The following EXD3 variants were observed in gnomAD, a reference collection of about 807,000 sequenced individuals.
EXD3 encodes exonuclease mut-7 homolog.
In EXD3, 92 loss-of-function variants were observed where a neutral mutation model predicts 98.0. The ratio of observed to expected loss-of-function variants is 0.94; its 90% CI spans 0.79 to 1.12. The LOEUF (loss-of-function observed/expected upper bound fraction) is 1.12, where lower values mean the gene tolerates loss of function less well. Among genes scored for constraint, EXD3 ranks in the 50% most tolerant of loss-of-function variants. The probability of loss-of-function intolerance (pLI) is 0.00; values close to 1 mark genes in which losing one functional copy is unlikely to be tolerated. For synonymous variants in EXD3, 569 were observed against 526.0 expected, an observed-to-expected ratio of 1.08 and a Z score of -1.12; for missense variants, 1,222 against 1,191.6, an observed-to-expected ratio of 1.03 and a Z score of -0.38.
At position 137,349,840 on chromosome 9, in the gene EXD3, GTC is replaced by G. The variant is rs1212658883; in HGVS notation, c.1495-311_1495-310del. Among the ~76,000 whole-genome samples, 2 of 152,258 alleles carry G rather than the reference GTC, an allele frequency of 1.3e-5. No individual in the cohort carries two copies. The highest frequency in any genetic ancestry group is 2.1e-4 in the South Asian group (1 of 4,832). ...CCTGAGTCTGTGTGGCCAGCTCTCT[GTC>G]TCTGTTTTATCTTCAGAAGAGGAGC... On this transcript the variant is annotated intron_variant, in intron 14 of 21. Transcript: ENST00000340951. This position sits in a 1 kb window ranked among gnomAD's most constrained non-coding sequence, Gnocchi z 7.4.
intron 17 of EXD3, among the ~76,000 whole-genome samples, chr9:137,345,000 A>T (rs1312658393): frequency 2.0e-5 from 3 of 152,136 alleles, no homozygotes; most frequent in African/African-American, 7.2e-5. Flanking sequence ...TTCTGCTCAC[A>T]TTTCACCATA....
At chr9:137,417,354 C>A (rs957760324) in intron 1 of EXD3, among the ~76,000 whole-genome samples, 1 of 152,220 alleles carries the variant, frequency 6.6e-6, no homozygotes, top group Non-Finnish European at 1.5e-5. Flanking sequence ...AGGAAGCGAG[C>A]GCGCCCGCAG....
chr9:137,407,867 G>A lies in EXD3; in HGVS notation c.-47-12463C>T, dbSNP rs1837804806. 6.6e-6 allele frequency among the ~76,000 whole-genome samples: 1 copy of A among 152,144 alleles called. No homozygotes were observed. The highest frequency in any genetic ancestry group is 2.1e-4 in the South Asian group (1 of 4,824). ...GGGAGGGGCACAGCAAAGGGTCTGG[G>A]GGGAGGCCGGAGGGGGCTTTCCCCT... On this transcript the variant is annotated intron_variant, in intron 1 of 21. Transcript: ENST00000340951. This position sits in a 1 kb window ranked among gnomAD's most constrained non-coding sequence, Gnocchi z 4.4.
intron 1 of EXD3, among the ~76,000 whole-genome samples, chr9:137,418,178 C>T (rs1189312524): frequency 6.6e-6 from 1 of 152,184 alleles, no homozygotes; most frequent in Non-Finnish European, 1.5e-5. Flanking sequence ...GAAACCCCAT[C>T]TCTACTAAAA....
chr9:137,397,220 A>T (rs1402766449), intron 1 of EXD3, among the ~76,000 whole-genome samples: 1 of 152,334 alleles, frequency 6.6e-6, no homozygotes. Flanking sequence ...CCTGCTCCAG[A>T]GCCTCTCGCC....
chr9:137,395,050 C>T lies in EXD3; in HGVS notation c.55+253G>A, dbSNP rs1027514771. Among the ~76,000 whole-genome samples the T allele has an allele frequency of 6.6e-6, 1 of 152,110 alleles. No homozygotes were observed. Among genetic ancestry groups the T allele is most frequent in the African/African-American group, 2.4e-5 (1 of 41,430 alleles). On this transcript the variant is annotated intron_variant, in intron 2 of 21. Transcript: ENST00000340951. This position sits in a 1 kb window ranked among gnomAD's most constrained non-coding sequence, Gnocchi z 6.5. ...CACCTCCCCCGGATCCTGTCACAGG[C>T]CCGGCGCCAGGCCACCCACGCTGGG...
rs577414058 is a variant in EXD3 at position 137,413,555 on chromosome 9, G to A, written c.-48+9559C>T. On this transcript the variant is annotated intron_variant, in intron 1 of 21. Transcript: ENST00000340951. ...GGGTCTCGCTCTGTCACCCAGGGTG[G>A]AGTGCAGTGGTGCGATCCCAGCTCA... Among the ~76,000 whole-genome samples, 386 of 150,098 alleles carry A rather than the reference G, an allele frequency of 2.6e-3. 2 individuals carry two copies. Among genetic ancestry groups the A allele is most frequent in the Non-Finnish European group, 4.1e-3 (280 of 67,622 alleles).
intron 17 of EXD3, among the ~76,000 whole-genome samples, chr9:137,344,895 C>T (rs149008641): frequency 6.6e-6 from 1 of 151,928 alleles, no homozygotes; most frequent in Non-Finnish European, 1.5e-5. Flanking sequence ...AGCTGAATAT[C>T]CAGGTCTTCA....
intron 17 of EXD3, among the ~76,000 whole-genome samples, chr9:137,325,412 A>T (rs141898098): frequency 6.6e-6 from 1 of 152,172 alleles, no homozygotes; most frequent in East Asian, 1.9e-4. Context: ...ATGCATTCAG[A>T]ATGGTTCCTT....
rs865938657 is a variant in EXD3 at position 137,387,259 on chromosome 9, C to T, written c.56-3882G>A. On this transcript the variant is annotated intron_variant, in intron 2 of 21. Coordinates refer to ENST00000340951, the MANE Select transcript of EXD3 (RefSeq NM_017820.5). Reference sequence around the variant, plus strand: ...GGGCAGTGACCGCCTGGGTCTCCTTCCAGGCCATGGCCGGTGCACGATGGA... The same window carrying T: ...GGGCAGTGACCGCCTGGGTCTCCTTTCAGGCCATGGCCGGTGCACGATGGA... Among the ~76,000 whole-genome samples the T allele has an allele frequency of 4.5e-4, 68 of 152,276 alleles. 1 individual carries two copies. The highest frequency in any genetic ancestry group is 1.4e-3 in the African/African-American group (60 of 41,550).
At chr9:137,389,440 G>A (rs538327327) in intron 2 of EXD3, among the ~76,000 whole-genome samples, 166 of 152,308 alleles carry the variant, frequency 1.1e-3, no homozygotes, top group African/African-American at 3.9e-3. Flanking sequence ...CCTCATCCAT[G>A]AAGCCGAGGG....
intron 17 of EXD3, among the ~76,000 whole-genome samples, chr9:137,336,289 G>T (rs906982071): frequency 2.6e-5 from 4 of 152,150 alleles, no homozygotes; most frequent in Admixed American, 2.0e-4. Context: ...AAAAGCTATT[G>T]AAATATATGA....
At chr9:137,373,291 A>G in intron 4 of EXD3, 135 bp downstream of exon 4, 1 of 1,206,124 alleles carries the variant, frequency 8.3e-7, no homozygotes, top group South Asian at 1.3e-5. Context: ...TCTTGGCCAT[A>G]GCCCCCAGCA....
At chr9:137,400,796 T>C (rs910101609) in intron 1 of EXD3, among the ~76,000 whole-genome samples, 15 of 149,890 alleles carry the variant, frequency 1.0e-4, no homozygotes, top group Non-Finnish European at 1.8e-4. Context: ...ATGGGAGAAA[T>C]TGGACAAAAC....
chr9:137,321,784 G>A (rs1390189561), intron 19 of EXD3, among the ~76,000 whole-genome samples: 1 of 152,180 alleles, frequency 6.6e-6, no homozygotes, highest in African/African-American at 2.4e-5. Flanking sequence ...GGAACGTTCT[G>A]GAAGCAGCCC....
At chr9:137,318,479 G>A (rs537875096) in intron 19 of EXD3, among the ~76,000 whole-genome samples, 4 of 152,320 alleles carry the variant, frequency 2.6e-5, no homozygotes, top group Middle Eastern at 3.4e-3. Flanking sequence ...AACCATGCTG[G>A]GGGGGTGGGG....
At chr9:137,381,964 G>GGAGGAGGTGGGAGCACGCA in intron 3 of EXD3, among the ~76,000 whole-genome samples, 2 of 151,402 alleles carry the variant, frequency 1.3e-5, no homozygotes, top group Non-Finnish European at 2.9e-5. Flanking sequence ...GAGGGCGCAG[G>GGAGGAGGTGGGAGCACGCA]GAGGAGGTGG....
At chr9:137,404,795 G>A (rs966634086) in intron 1 of EXD3, among the ~76,000 whole-genome samples, 2 of 152,030 alleles carry the variant, frequency 1.3e-5, no homozygotes, top group Admixed American at 1.3e-4. Flanking sequence ...GGGAGGCAGA[G>A]GTTGCAGTGA....
At position 137,349,517 on chromosome 9, in the gene EXD3, G is replaced by T. The variant is rs368947212; in HGVS notation, c.1509C>A (p.Ser503Arg). ...CCCTGTCCACGGCTGGGGCTGGCAC[G>T]CTCGCCACCCGCATCTGCTAAGACA... ...LLVHRQMRVASVPAPAVDRAR... is the reference protein window; with the variant it reads ...LLVHRQMRVARVPAPAVDRAR... Residue 503 changes from serine (S) to arginine (R), a missense_variant, in exon 15 of 22, where the codon AGC becomes AGA. Physicochemically the swap from Ser to Arg is moderately radical, Grantham distance 110 (BLOSUM62 -1). Coordinates refer to ENST00000340951, the MANE Select transcript of EXD3 (RefSeq NM_017820.5). The surrounding 1 kb of genome is among the most constrained non-coding windows in gnomAD (Gnocchi z 7.4). The T allele has an allele frequency of 1.2e-5, 19 of 1,591,894 alleles. 2 individuals are homozygous for T. The South Asian group carries it at 2.1e-4, about 18-fold the overall frequency.
Sources: gnomAD v4.1 joint callset for allele counts (sites outside exome capture counted in the v4.1 genomes callset) on GRCh38, gnomAD v4.1.1 for gene constraint, Gnocchi (gnomAD v3.1) non-coding constraint, MANE v1.5 for transcripts, NCBI Gene and HGNC (gene_info 2026-07-23, HGNC 2026-07-21) for gene names.